CEACAM20: variants seen among roughly 807,000 people sequenced by gnomAD.
CEACAM20 encodes cell adhesion molecule CEACAM20.
CEACAM20 carries 50 observed loss-of-function variants against 61.2 expected under a neutral mutation model. The ratio of observed to expected loss-of-function variants is 0.82; its 90% CI spans 0.65 to 1.03. The LOEUF is 1.03. Among genes scored for constraint, CEACAM20 ranks in the 50% least tolerant of loss-of-function variants. The pLI is 0.00. For synonymous variants in CEACAM20, 282 were observed against 287.7 expected (o/e 0.98, Z 0.20); for missense variants, 683 against 736.4 (o/e 0.93, Z 0.84).
In CEACAM20 at chr19:44,517,019, C is replaced by G. The variant is rs759671570; in HGVS notation, c.1236G>C (p.Gly412=). 6.3e-7 allele frequency: 1 copy of G among 1,596,702 alleles called. No homozygotes were observed. The highest frequency in any genetic ancestry group is 1.7e-4 in the Middle Eastern group (1 of 6,050). ...IIRALTWEHD[G]IYNCTASNSL... is the part of the protein sequence containing the mutation. ...AGTTGGAGGCTGTGCAGTTGTAGAT[C>G]CCGTCGTGTTCCCAGGTCAGAGCCC... The change falls in exon 6 of 12, where the codon GGG becomes GGC. Residue 412 remains glycine, a synonymous_variant. Transcript: ENST00000614924.
rs200707866 is a variant in CEACAM20, at chr19:44,528,956, C to T, written c.52+502G>A. Among the ~76,000 whole-genome samples, 574 of 92,510 alleles carry T rather than the reference C, an allele frequency of 6.2e-3. 5 individuals are homozygous for T. Among genetic ancestry groups the T allele is most frequent in the African/African-American group, 0.016 (351 of 22,046 alleles). 60.7% of individuals were successfully genotyped at this position (92,510 alleles called of 152,430 possible). The stretch of plus-strand genomic sequence containing the variant: ...TATTTCTGTATTTCTCTCTTTCTTT[C>T]TTTTTTTTTTTTTTTTTTTTGAGAC... On this transcript the variant is annotated intron_variant, in intron 1 of 11. Transcript: ENST00000614924.
At chr19:44,520,781 G>A (rs767816836) in intron 4 of CEACAM20, 29 bp from the exon 5 acceptor site, 2 of 1,595,844 alleles carry the variant, frequency 1.3e-6, no homozygotes, top group African/African-American at 1.3e-5. Flanking sequence ...ACACAGTCAG[G>A]TTCAGGGAGA....
chr19:44,511,209 T>C, intron 10 of CEACAM20, 54 bp from the exon 11 acceptor site: 4 of 1,602,796 alleles, frequency 2.5e-6, no homozygotes, highest in Non-Finnish European at 3.4e-6. Flanking sequence ...TTGCCAGGAA[T>C]GTACCAACTT....
Position 44,517,136 on chromosome 19 carries a change from C to G in CEACAM20, c.1119G>C (p.Leu373=). The G allele has an allele frequency of 6.2e-7, 1 of 1,613,638 alleles. No individual in the cohort carries two copies. ...IEAELNSSLT[L]QCWAESKPGA... ...CTGGCTTGGACTCGGCCCAACACTG[C>G]AGGGTCAGGCTGGAGTTGAGCTCTG... The change falls in exon 6 of 12, where the codon CTG becomes CTC. Residue 373 remains leucine (L), a synonymous_variant. Coordinates refer to ENST00000614924, the MANE Select transcript of CEACAM20 (RefSeq NM_001102597.3).
chr19:44,528,305 T>C (rs1177039772), intron 1 of CEACAM20, among the ~76,000 whole-genome samples: 1 of 151,968 alleles, frequency 6.6e-6, no homozygotes, highest in African/African-American at 2.4e-5. Context: ...CTCGGTTCAC[T>C]GCAACTTCTG....
intron 5 of CEACAM20, 83 bp downstream of exon 5, chr19:44,520,391 T>C (rs1490061158): frequency 9.2e-6 from 14 of 1,518,650 alleles, no homozygotes; most frequent in Admixed American, 3.6e-5. Context: ...TCAATAATCA[T>C]AGCATGAATG....
chr19:44,526,796 C>T (rs1408793205), intron 1 of CEACAM20, among the ~76,000 whole-genome samples: 2 of 151,952 alleles, frequency 1.3e-5, no homozygotes, highest in Non-Finnish European at 2.9e-5. Flanking sequence ...ATCTCTTGAA[C>T]CCAGGAGGAA....
chr19:44,524,153 A>C lies in CEACAM20; in HGVS notation c.305T>G (p.Val102Gly). The C allele has an allele frequency of 6.2e-7, 1 of 1,613,808 alleles. No homozygotes were observed. Among genetic ancestry groups the C allele is most frequent in the Non-Finnish European group, 8.5e-7 (1 of 1,179,844 alleles). ...GAACACAATGGAGAGGTTGTTGGAA[A>C]CCCAGTGGATGGTAATGTTGACGTC... ...TKDVNITIHW[V>G]SNNLSIVFHE... The change falls in exon 3 of 12, where the codon GTT (valine) becomes GGT (glycine). Residue 102 changes from valine (V) to glycine (G), a missense_variant. Val to Gly is a moderately radical substitution (Grantham distance 109). Coordinates refer to ENST00000614924, the MANE Select transcript of CEACAM20 (RefSeq NM_001102597.3).
chr19:44,525,175 G>A lies in CEACAM20; in HGVS notation c.122C>T (p.Ala41Val), dbSNP rs10408247. ...CAGAACAACATCCTCACTTTGGGTGGCATCAAGTGGGTTGGCATTGAGGGT... is the reference window on the plus strand; with the variant it reads ...CAGAACAACATCCTCACTTTGGGTGACATCAAGTGGGTTGGCATTGAGGGT... ...QLTLNANPLD[A>V]TQSEDVVLPV... Residue 41 changes from alanine to valine, a missense_variant, in exon 2 of 12, where the codon GCC (alanine) becomes GTC (valine). Physicochemically the swap from Ala to Val is moderately conservative, Grantham distance 64. Coordinates refer to ENST00000614924, the MANE Select transcript of CEACAM20 (RefSeq NM_001102597.3). 0.13 allele frequency: 201,543 copies of A among 1,609,190 alleles called. 22,058 individuals are homozygous for A. Among genetic ancestry groups the A allele is most frequent in the African/African-American group, 0.55 (40,876 of 74,472 alleles).
In CEACAM20 at chr19:44,520,510, G is replaced by C. The variant is rs773424108; in HGVS notation, c.994C>G (p.Arg332Gly). 1.9e-6 allele frequency: 3 copies of C among 1,613,622 alleles called. No individual in the cohort carries two copies. Among genetic ancestry groups the C allele is most frequent in the Non-Finnish European group, 2.5e-6 (3 of 1,179,902 alleles). ...AGCTCAAGGGGCTCACTCCGGGCCC[G>C]GCTGCCCCAGTTCCAGACCTCACAG... ...YACEVWNWGS[R>G]ARSEPLELTI... The change falls in exon 5 of 12, where the codon CGG (arginine) becomes GGG (glycine). Residue 332 changes from arginine (R) to glycine (G), a missense_variant. Transcript: ENST00000614924.
Position 44,516,975 on chromosome 19 carries a change from C to A in CEACAM20, c.1280G>T (p.Arg427Leu), listed in dbSNP as rs771251987. 37 of 1,598,662 alleles carry A rather than the reference C, an allele frequency of 2.3e-5. No homozygotes were observed. In the South Asian group the frequency reaches 3.7e-4, roughly 16 times the overall value. ...TASNSLTGLA[R>L]STSVLVKVVG... ...CACCTTGACCAGGACTGAAGTGGAG[C>A]GGGCCAGGCCAGTGAGAGAGTTGGA... Residue 427 changes from arginine to leucine, a missense_variant, in exon 6 of 12, where the codon CGC becomes CTC. Transcript: ENST00000614924.
intron 5 of CEACAM20, among the ~76,000 whole-genome samples, chr19:44,518,108 AAGG>A (rs1568452838): frequency 0.012 from 499 of 41,528 alleles, 3 homozygotes; most frequent in African/African-American, 0.027. Context: ...GAAAGAAAGG[AAGG>A]AAGGAAGGAA....
intron 4 of CEACAM20, 100 bp downstream of exon 4, chr19:44,522,534 T>TA: frequency 7.9e-7 from 1 of 1,267,756 alleles, no homozygotes; most frequent in Non-Finnish European, 1.1e-6. Flanking sequence ...CCTCACACAG[T>TA]ATCCAAAGGC....
Position 44,511,651 on chromosome 19 carries a change from C to A in CEACAM20, c.1597G>T (p.Glu533Ter). The A allele has an allele frequency of 6.2e-7, 1 of 1,612,844 alleles. No individual in the cohort carries two copies. Residue 533 changes from glutamate (E) to a stop codon, truncating the protein, a stop_gained, in exon 10 of 12, where the codon GAG (glutamate) becomes TAG (stop). Transcript: ENST00000614924. LOFTEE classifies it high-confidence loss of function. ...VELMQPPDLP[E>*]ETYETKLPSA... ...GGCCAATGTACCTCATAGGTCTCCT[C>A]TGGAAGGTCTGGTGGTTGCATCTGG...
intron 8 of CEACAM20, 122 bp downstream of exon 8, chr19:44,512,746 G>A: frequency 1.4e-6 from 1 of 734,606 alleles, no homozygotes; most frequent in Non-Finnish European, 2.3e-6. Flanking sequence ...CAGAGGCTCA[G>A]AGTGGACAGG....
intron 7 of CEACAM20, 30 bp from the exon 8 acceptor site, chr19:44,512,983 G>T (rs1275932149): frequency 6.4e-6 from 10 of 1,572,520 alleles, no homozygotes; most frequent in Non-Finnish European, 8.7e-6. Flanking sequence ...ATTATTCTGT[G>T]CCTCTAGTCC....
rs1240201219 is a variant in CEACAM20 at position 44,528,158 on chromosome 19, TTTTC to T, written c.52+1296_52+1299del. 5.0e-4 allele frequency among the ~76,000 whole-genome samples: 63 copies of T among 124,830 alleles called. 1 individual carries two copies. Among genetic ancestry groups the T allele is most frequent in the African/African-American group, 1.7e-3 (62 of 35,548 alleles). 81.9% of individuals were successfully genotyped at this position (124,830 alleles called of 152,430 possible). A position where few individuals can be genotyped will look rare whatever the true frequency, so the allele number is the denominator to read the frequency against. On this transcript the variant is annotated intron_variant, in intron 1 of 11. Transcript: ENST00000614924. Reference sequence around the variant, plus strand: ...TCTCTTTCTTTCTTTTCTTTCTTTCTTTTCTTTCTTTCCTTTCTTTCTTTCCTTT... The same window carrying T: ...TCTCTTTCTTTCTTTTCTTTCTTTCTTTTCTTTCCTTTCTTTCTTTCCTTT...
intron 5 of CEACAM20, among the ~76,000 whole-genome samples, chr19:44,519,074 C>G (rs577979505): frequency 1.1e-4 from 16 of 152,252 alleles, no homozygotes; most frequent in Non-Finnish European, 2.2e-4. Context: ...TCTCTTCCCT[C>G]TGTCTAGAAT....
At chr19:44,509,795 G>GA (rs1970918976) in intron 11 of CEACAM20, among the ~76,000 whole-genome samples, 2 of 151,846 alleles carry the variant, frequency 1.3e-5, no homozygotes, top group Admixed American at 6.6e-5. Context: ...AAGGGAATGG[G>GA]AAAAAAGAAA....
Sources: gnomAD v4.1 joint callset for allele counts (sites outside exome capture counted in the v4.1 genomes callset) on GRCh38, gnomAD v4.1.1 for gene constraint, MANE v1.5 for transcripts, NCBI Gene and HGNC (gene_info 2026-07-23, HGNC 2026-07-21) for gene names.